ZNF280B: variants seen among roughly 807,000 people sequenced by gnomAD.
ZNF280B encodes the protein zinc finger protein 280B.
ZNF280B carries 16 observed loss-of-function variants against 38.0 expected under a neutral mutation model. The observed-to-expected ratio is 0.42, with a 90% CI of 0.28 to 0.64. The LOEUF (loss-of-function observed/expected upper bound fraction) is 0.64, where lower values mean the gene tolerates loss of function less well. Among genes scored for constraint, ZNF280B ranks in the 30% least tolerant of loss-of-function variants. The probability of loss-of-function intolerance (pLI) is 0.21; values close to 1 mark genes in which losing one functional copy is unlikely to be tolerated. For missense variants in ZNF280B, 581 were observed against 639.6 expected, an observed-to-expected ratio of 0.91 and a Z score of 0.99; for synonymous variants, 253 against 230.6, an observed-to-expected ratio of 1.10 and a Z score of -0.88.
chr22:22,495,752 T>C (rs1007121279), intron 2 of ZNF280B, among the ~76,000 whole-genome samples: 8 of 152,052 alleles, frequency 5.3e-5, no homozygotes, highest in African/African-American at 1.7e-4. Context: ...AGGAACGACC[T>C]TGGTTTAATA....
Position 22,488,061 on chromosome 22 carries a change from T to C in ZNF280B, c.1338A>G (p.Pro446=), listed in dbSNP as rs1460210974. 2 of 1,613,950 alleles carry C rather than the reference T, an allele frequency of 1.2e-6. No individual in the cohort carries two copies. The highest frequency in any genetic ancestry group is 1.7e-6 in the Non-Finnish European group (2 of 1,179,972). Residue 446 remains proline (P), a synonymous_variant, in exon 4 of 4, where the codon CCA becomes CCG. Transcript: ENST00000626650. ...FCLKIFKTAT[P]YMCHYRGHWG... ...AGTGGCCCCTATAATGACACATGTA[T>C]GGTGTTGCTGTTTTGAAAATTTTGA... is the stretch of plus-strand genomic sequence containing the variant.
Position 22,487,503 on chromosome 22 carries a change from CTT to C in ZNF280B, c.*262_*263del, listed in dbSNP as rs60596189. The stretch of plus-strand genomic sequence containing the variant: ...TAAAATTAAAAAAATAAATTAATAC[CTT>C]TTTCTCTCTCTCACACACACACACA... On this transcript the variant is annotated 3_prime_UTR_variant, in exon 4 of 4. Transcript: ENST00000626650. 0.12 allele frequency: 33,298 copies of C among 279,512 alleles called. 2,471 individuals carry two copies. The highest frequency in any genetic ancestry group is 0.28 in the South Asian group (1,665 of 5,854). 17.3% of individuals were successfully genotyped at this position (279,512 alleles called of 1,614,324 possible).
intron 2 of ZNF280B, among the ~76,000 whole-genome samples, chr22:22,503,561 G>A (rs1052497979): frequency 1.2e-4 from 19 of 152,058 alleles, no homozygotes; most frequent in Admixed American, 5.9e-4. Flanking sequence ...GTATCAGGTG[G>A]TCAATTTACA....
Position 22,486,607 on chromosome 22 carries a change from A to G in ZNF280B, c.*1160T>C, listed in dbSNP as rs1176441370. On this transcript the variant is annotated 3_prime_UTR_variant, in exon 4 of 4. Coordinates refer to ENST00000626650, the MANE Select transcript of ZNF280B (RefSeq NM_080764.4). ...TAGATCACAGAACAGGAAGTCAGCT[A>G]GTACCAGGCACCATTCTATTAATTT... 1 of 152,228 alleles carries G rather than the reference A, an allele frequency of 6.6e-6. No homozygotes were observed. The highest frequency in any genetic ancestry group is 1.5e-5 in the Non-Finnish European group (1 of 68,042). The allele number at this position is 152,228 out of a possible 1,614,324, so 9.4% of individuals were successfully genotyped here.
rs9306362 is a variant in ZNF280B at position 22,485,938 on chromosome 22, C to T, written c.*1829G>A. 7,126 of 151,972 alleles carry T rather than the reference C, an allele frequency of 0.047. 589 individuals carry two copies. Among genetic ancestry groups the T allele is most frequent in the African/African-American group, 0.16 (6,631 of 41,388 alleles). 9.4% of individuals were successfully genotyped at this position (151,972 alleles called of 1,614,324 possible). A position where few individuals can be genotyped will look rare whatever the true frequency, so the allele number is the denominator to read the frequency against. ...AGCCAAGACTGCTGATGTTCAGGAA[C>T]CAATACTCAAAAGGTACTCCAGAAT... On this transcript the variant is annotated 3_prime_UTR_variant, in exon 4 of 4. Coordinates refer to ENST00000626650, the MANE Select transcript of ZNF280B (RefSeq NM_080764.4).
intron 3 of ZNF280B, among the ~76,000 whole-genome samples, chr22:22,489,714 A>T (rs981278998): frequency 5.3e-5 from 8 of 151,794 alleles, no homozygotes; most frequent in Non-Finnish European, 1.0e-4. Context: ...ATCACTAGGC[A>T]AAATTATATG....
At chr22:22,502,520 C>A (rs1476584660) in intron 2 of ZNF280B, among the ~76,000 whole-genome samples, 1 of 151,828 alleles carries the variant, frequency 6.6e-6, no homozygotes, top group Non-Finnish European at 1.5e-5. Context: ...AAAGTGCAAA[C>A]AACCGAATGT....
chr22:22,487,568 G>A lies in ZNF280B; in HGVS notation c.*199C>T. 1 of 480,890 alleles carries A rather than the reference G, an allele frequency of 2.1e-6. No homozygotes were observed. The highest frequency in any genetic ancestry group is 3.3e-5 in the East Asian group (1 of 30,684). 29.8% of individuals were successfully genotyped at this position (480,890 alleles called of 1,614,324 possible). On this transcript the variant is annotated 3_prime_UTR_variant, in exon 4 of 4. Transcript: ENST00000626650. Reference sequence around the variant, plus strand: ...GTGTTAAGCCAGATACAGTTAACATGAAAACCAGATGTTTTAAAATAATAC... The same window carrying A: ...GTGTTAAGCCAGATACAGTTAACATAAAAACCAGATGTTTTAAAATAATAC...
intron 2 of ZNF280B, among the ~76,000 whole-genome samples, chr22:22,503,484 G>C (rs1004842065): frequency 3.9e-5 from 6 of 151,942 alleles, no homozygotes; most frequent in Non-Finnish European, 8.8e-5. Flanking sequence ...CCATTAAGCA[G>C]ACTCAATTCG....
chr22:22,494,946 T>G (rs2061665144), intron 2 of ZNF280B, among the ~76,000 whole-genome samples: 1 of 151,966 alleles, frequency 6.6e-6, no homozygotes, highest in Admixed American at 6.6e-5. Flanking sequence ...CAGGCTGGTC[T>G]CAAACTCCTG....
chr22:22,508,184 G>A (rs76629908), intron 1 of ZNF280B, among the ~76,000 whole-genome samples: 3,703 of 152,054 alleles, frequency 0.024, 77 homozygotes, highest in Middle Eastern at 0.097. Flanking sequence ...GAGACAAGAC[G>A]CTGCGGTAGG....
intron 2 of ZNF280B, among the ~76,000 whole-genome samples, chr22:22,498,768 AAAAAG>A: frequency 6.6e-6 from 1 of 151,166 alleles, no homozygotes; most frequent in Non-Finnish European, 1.5e-5. Context: ...TCATATAAAA[AAAAAG>A]AAAACTACAG....
intron 2 of ZNF280B, among the ~76,000 whole-genome samples, chr22:22,506,684 G>A (rs1258351981): frequency 6.6e-6 from 1 of 151,886 alleles, no homozygotes; most frequent in Non-Finnish European, 1.5e-5. Flanking sequence ...TAATGATCTG[G>A]AGAGATAGAA....
rs1569172836 is a variant in ZNF280B, at chr22:22,488,286, G to GGGC, written c.1110_1112dup (p.Pro371dup). 2 of 1,613,880 alleles carry GGGC rather than the reference G, an allele frequency of 1.2e-6. No homozygotes were observed. The highest frequency in any genetic ancestry group is 1.7e-5 in the Admixed American group (1 of 59,990). ...ATTCACAGATTTTACAGACAGTAGA[G>GGGC]GGCTCCTGGGCAGTGTGGACATTTT... On this transcript the variant is annotated inframe_insertion, in exon 4 of 4. Coordinates refer to ENST00000626650, the MANE Select transcript of ZNF280B (RefSeq NM_080764.4).
chr22:22,492,416 T>C (rs1331971575), intron 3 of ZNF280B, among the ~76,000 whole-genome samples: 1 of 151,924 alleles, frequency 6.6e-6, no homozygotes, highest in African/African-American at 2.4e-5. Flanking sequence ...ATCTGTGATC[T>C]CTACCCACTA....
At position 22,484,705 on chromosome 22, in the gene ZNF280B, G is replaced by A. The variant is rs2061483271; in HGVS notation, c.*3062C>T. On this transcript the variant is annotated 3_prime_UTR_variant, in exon 4 of 4. Transcript: ENST00000626650. Reference sequence around the variant, plus strand: ...TCATTTGGTTGCAGGCACAGAAATTGACTCAAGCTAGCTCAATTCTAAGAC... The same window carrying A: ...TCATTTGGTTGCAGGCACAGAAATTAACTCAAGCTAGCTCAATTCTAAGAC... 1 of 152,238 alleles carries A rather than the reference G, an allele frequency of 6.6e-6. No homozygotes were observed. Among genetic ancestry groups the A allele is most frequent in the Non-Finnish European group, 1.5e-5 (1 of 67,994 alleles). The allele number at this position is 152,238 out of a possible 1,614,324, so 9.4% of individuals were successfully genotyped here.
At chr22:22,501,915 G>GT (rs900204445) in intron 2 of ZNF280B, among the ~76,000 whole-genome samples, 2 of 151,434 alleles carry the variant, frequency 1.3e-5, no homozygotes, top group Non-Finnish European at 2.9e-5. Flanking sequence ...TACAACCTTG[G>GT]TGCCAGAGCA....
intron 2 of ZNF280B, among the ~76,000 whole-genome samples, chr22:22,504,567 G>A (rs2061896062): frequency 6.6e-6 from 1 of 152,064 alleles, no homozygotes; most frequent in East Asian, 2.0e-4. Context: ...GCTGGTGGGA[G>A]GGATGTTAAG....
intron 2 of ZNF280B, among the ~76,000 whole-genome samples, chr22:22,497,161 C>G (rs1290545487): frequency 3.0e-5 from 4 of 133,504 alleles, no homozygotes; most frequent in Admixed American, 8.4e-5. Context: ...TCATTTTTCC[C>G]CTTTTCCTTC....
Sources: gnomAD v4.1 joint callset for allele counts (sites outside exome capture counted in the v4.1 genomes callset) on GRCh38, gnomAD v4.1.1 for gene constraint, MANE v1.5 for transcripts, NCBI Gene and HGNC (gene_info 2026-07-23, HGNC 2026-07-21) for gene names.